Variants in FAR2 observed in about 807,000 individuals in gnomAD.
The protein encoded by FAR2 is fatty acyl-CoA reductase 2.
In FAR2, 19 loss-of-function variants were observed where a neutral mutation model predicts 56.0. The ratio of observed to expected loss-of-function variants is 0.34; its 90% CI spans 0.24 to 0.50. The LOEUF is 0.50. Among genes scored for constraint, FAR2 ranks in the 20% least tolerant of loss-of-function variants. The pLI is 0.98. For missense variants in FAR2, 508 were observed against 642.2 expected (o/e 0.79, Z 2.26); for synonymous variants, 219 against 218.8 (o/e 1.00, Z -0.01).
chr12:29,155,798 CT>C (rs1472987733), intron 1 of FAR2, among the ~76,000 whole-genome samples: 1 of 152,124 alleles, frequency 6.6e-6, no homozygotes, highest in Non-Finnish European at 1.5e-5. Context: ...ATATATTTAC[CT>C]TGTGGTCCTT....
At chr12:29,189,584 C>T (rs11050108) in intron 1 of FAR2, among the ~76,000 whole-genome samples, 27,283 of 151,948 alleles carry the variant, frequency 0.18, 2,698 homozygotes, top group South Asian at 0.28. Flanking sequence ...TGACTCTAGG[C>T]CCTCTCAGTT....
chr12:29,256,191 T>C (rs1356388045), intron 1 of FAR2, among the ~76,000 whole-genome samples: 1 of 152,076 alleles, frequency 6.6e-6, no homozygotes, highest in East Asian at 1.9e-4. Flanking sequence ...CTAAAATTAT[T>C]ATTGTTTTTT....
chr12:29,174,241 A>G (rs1222694424), intron 1 of FAR2, among the ~76,000 whole-genome samples: 1 of 151,352 alleles, frequency 6.6e-6, no homozygotes, highest in East Asian at 1.9e-4. Flanking sequence ...GAGGGATCCT[A>G]ACATTTCAGA....
At chr12:29,282,513 G>A (rs1161812384) in intron 2 of FAR2, among the ~76,000 whole-genome samples, 1 of 152,150 alleles carries the variant, frequency 6.6e-6, no homozygotes, top group African/African-American at 2.4e-5. Context: ...CATCTCTCCA[G>A]TCACACATAA....
chr12:29,291,823 G>T (rs1291878285), intron 2 of FAR2, among the ~76,000 whole-genome samples: 1 of 152,146 alleles, frequency 6.6e-6, no homozygotes, highest in African/African-American at 2.4e-5. Flanking sequence ...TCCTGACAGG[G>T]CAAGTCCTAT....
intron 1 of FAR2, among the ~76,000 whole-genome samples, chr12:29,242,746 G>T (rs11050147): frequency 0.31 from 46,630 of 152,038 alleles, 9,000 homozygotes; most frequent in Admixed American, 0.46. Context: ...AGTAGGTATG[G>T]CAGAGGACAG....
chr12:29,307,526 G>T, intron 4 of FAR2, 132 bp from the exon 5 acceptor site: 2 of 863,994 alleles, frequency 2.3e-6, no homozygotes, highest in South Asian at 1.8e-5. Context: ...CTCAAACTTG[G>T]TATCATGTGA....
In FAR2 at chr12:29,299,218, A is replaced by G. The variant is rs1348938915; in HGVS notation, c.545+2018A>G. Among the ~76,000 whole-genome samples, 114 of 146,562 alleles carry G rather than the reference A, an allele frequency of 7.8e-4. 2 individuals are homozygous for G. Among genetic ancestry groups the G allele is most frequent in the South Asian group, 6.5e-3 (31 of 4,766 alleles). On this transcript the variant is annotated intron_variant, in intron 4 of 11. Transcript: ENST00000536681. ...ACAAGAGCAAAACTTTGTCTCAAAA[A>G]AAAAAAAAAAAAAAAAAGAAAGAAA...
intron 1 of FAR2, chr12:29,223,824 C>G (rs1350241591): frequency 6.6e-6 from 1 of 152,154 alleles, no homozygotes; most frequent in African/African-American, 2.4e-5. Context: ...TTAAATTTTT[C>G]TGCTACATTG....
At chr12:29,282,345 T>A (rs1339395168) in intron 2 of FAR2, 1 of 152,228 alleles carries the variant, frequency 6.6e-6, no homozygotes, top group Non-Finnish European at 1.5e-5. Flanking sequence ...GAGTTTCTTC[T>A]GGTAGGCATC....
chr12:29,166,214 T>A (rs903772502), intron 1 of FAR2, among the ~76,000 whole-genome samples: 1 of 152,250 alleles, frequency 6.6e-6, no homozygotes, highest in Non-Finnish European at 1.5e-5. Context: ...TAATAGTAAA[T>A]GGTATTGACA....
chr12:29,256,021 C>T (rs1402820713), intron 1 of FAR2, among the ~76,000 whole-genome samples: 1 of 151,878 alleles, frequency 6.6e-6, no homozygotes, highest in African/African-American at 2.4e-5. Context: ...AGGTGCCCAC[C>T]ACCATGCCTG....
At chr12:29,258,318 G>A (rs1163007636) in intron 1 of FAR2, among the ~76,000 whole-genome samples, 1 of 152,118 alleles carries the variant, frequency 6.6e-6, no homozygotes, top group East Asian at 1.9e-4. Flanking sequence ...TCGCACCACT[G>A]CACTCCAGTC....
intron 1 of FAR2, among the ~76,000 whole-genome samples, chr12:29,170,864 A>G (rs2136586802): frequency 6.6e-6 from 1 of 151,816 alleles, no homozygotes; most frequent in Middle Eastern, 3.4e-3. Context: ...CCCCTTTTCG[A>G]TGGCTTCGAC....
intron 1 of FAR2, among the ~76,000 whole-genome samples, chr12:29,159,317 T>A (rs1381166966): frequency 6.6e-6 from 1 of 151,990 alleles, no homozygotes. Flanking sequence ...GGCGGGCGGA[T>A]CATGAGGTCA....
At chr12:29,191,317 A>G (rs1950101392) in intron 1 of FAR2, among the ~76,000 whole-genome samples, 1 of 152,216 alleles carries the variant, frequency 6.6e-6, no homozygotes, top group Non-Finnish European at 1.5e-5. Flanking sequence ...GCAAGGGAAA[A>G]GGGAGTAAAA....
At position 29,283,553 on chromosome 12, in the gene FAR2, G is replaced by A. The variant is rs539599255; in HGVS notation, c.190-9747G>A. 3.9e-5 allele frequency among the ~76,000 whole-genome samples: 6 copies of A among 152,230 alleles called. No individual in the cohort carries two copies. The South Asian group carries it at 1.0e-3, about 26-fold the overall frequency. ...TACAAAATTATGTCATCAAGTATAA[G>A]TTCAGTTCATTTTTAGTTTTGAAAC... On this transcript the variant is annotated intron_variant, in intron 2 of 11. Coordinates refer to ENST00000536681, the MANE Select transcript of FAR2 (RefSeq NM_001271783.2).
chr12:29,209,598 G>A (rs1947519154), intron 1 of FAR2, among the ~76,000 whole-genome samples: 1 of 152,080 alleles, frequency 6.6e-6, no homozygotes, highest in Non-Finnish European at 1.5e-5. Context: ...TTGCTAGGCT[G>A]GCTGTGTAGA....
intron 1 of FAR2, among the ~76,000 whole-genome samples, chr12:29,224,681 T>G (rs2136642994): frequency 6.6e-6 from 1 of 152,298 alleles, no homozygotes; most frequent in East Asian, 1.9e-4. Flanking sequence ...ACATTTTACT[T>G]GTTTCTTTTT....
Sources: allele counts gnomAD v4.1 joint callset (sites outside exome capture counted in the v4.1 genomes callset), GRCh38; gene constraint gnomAD v4.1.1; transcripts MANE v1.5; gene names NCBI Gene and HGNC (gene_info 2026-07-23, HGNC 2026-07-21).